Variants in DOCK7 observed in about 807,000 individuals in gnomAD.
The protein encoded by DOCK7 is dedicator of cytokinesis 7, also known as dedicator of cytokinesis protein 7.
A neutral mutation model predicts 271.0 loss-of-function variants in DOCK7; 138 were observed. The ratio of observed to expected loss-of-function variants is 0.51; its 90% CI spans 0.44 to 0.59. The LOEUF is 0.59. DOCK7 is among the 20% of genes least tolerant of loss of function. The pLI is 0.00. For missense variants in DOCK7, 2,066 were observed against 2,592.4 expected, an observed-to-expected ratio of 0.80 and a Z score of 4.41; for synonymous variants, 823 against 876.1, an observed-to-expected ratio of 0.94 and a Z score of 1.07.
chr1:62,553,032 C>CATTTT, intron 21 of DOCK7, 131 bp from the exon 22 acceptor site: 1 of 166,008 alleles, frequency 6.0e-6, no homozygotes, highest in Non-Finnish European at 9.1e-6. Context: ...AAAAAATATA[C>CATTTT]TTTTTTTTTT....
Position 62,475,333 on chromosome 1 carries a change from C to T in DOCK7, c.5980G>A (p.Glu1994Lys), listed in dbSNP as rs762075452. ...TTCTGCATGTCCTCAATAGCAACTT[C>T]AATTGGTGTTAAGATGATCTGAGTA... is the stretch of plus-strand genomic sequence containing the variant. ...HKEEIILTPI[E>K]VAIEDMQKKT... Residue 1994 changes from glutamate to lysine, a missense_variant, in exon 47 of 50, where the codon GAA becomes AAA. Physicochemically the swap from Glu to Lys is moderately conservative, Grantham distance 56 (BLOSUM62 1). Coordinates refer to ENST00000635253, the MANE Select transcript of DOCK7 (RefSeq NM_001367561.1). 2.5e-6 allele frequency: 4 copies of T among 1,613,712 alleles called. No individual in the cohort carries two copies. Among genetic ancestry groups the T allele is most frequent in the South Asian group, 1.1e-5 (1 of 91,044 alleles).
At chr1:62,562,720 A>G (rs774457118) in intron 18 of DOCK7, among the ~76,000 whole-genome samples, 4 of 152,172 alleles carry the variant, frequency 2.6e-5, no homozygotes, top group Non-Finnish European at 5.9e-5. Flanking sequence ...GAAACGACAA[A>G]GCAGCATTTC....
chr1:62,564,989 T>C (rs1346001732), intron 18 of DOCK7, among the ~76,000 whole-genome samples: 2 of 151,878 alleles, frequency 1.3e-5, no homozygotes, highest in Non-Finnish European at 2.9e-5. Flanking sequence ...CCCTCCCAAG[T>C]CTAAACCAGG....
rs141405529 is a variant in DOCK7, at chr1:62,534,141, G to C, written c.3611+1352C>G. 2.2e-3 allele frequency among the ~76,000 whole-genome samples: 336 copies of C among 152,176 alleles called. 1 individual carries two copies. The highest frequency in any genetic ancestry group is 3.6e-3 in the Non-Finnish European group (244 of 68,008). On this transcript the variant is annotated intron_variant, in intron 29 of 49. Coordinates refer to ENST00000635253, the MANE Select transcript of DOCK7 (RefSeq NM_001367561.1). ...AGCCTCCCGAGCAGCTGGGATTACAGACATGAGCCACCATGTGTGGCTAAT... is the reference window on the plus strand; with the variant it reads ...AGCCTCCCGAGCAGCTGGGATTACACACATGAGCCACCATGTGTGGCTAAT...
intron 8 of DOCK7, 62 bp downstream of exon 8, chr1:62,636,475 C>T: frequency 7.7e-7 from 1 of 1,301,048 alleles, no homozygotes; most frequent in Non-Finnish European, 1.1e-6. Context: ...TCTTATAAAA[C>T]AAACAGGTTT....
rs964574998 is a variant in DOCK7 at position 62,633,371 on chromosome 1, C to T, written c.1116+127G>A. The stretch of plus-strand genomic sequence containing the variant: ...AAAAAATATAGTACTAGTAAAATTC[C>T]TTAATATGCTTTGTTGCATATTAAA... On this transcript the variant is annotated intron_variant, in intron 10 of 49. Transcript: ENST00000635253. 9 of 685,442 alleles carry T rather than the reference C, an allele frequency of 1.3e-5. No homozygotes were observed. The African/African-American group carries it at 1.5e-4, about 11-fold the overall frequency. The allele number at this position is 685,442 out of a possible 1,614,324, so 42.5% of individuals were successfully genotyped here.
intron 13 of DOCK7, among the ~76,000 whole-genome samples, chr1:62,619,505 G>C (rs1345593505): frequency 6.6e-6 from 1 of 152,164 alleles, no homozygotes; most frequent in African/African-American, 2.4e-5. Context: ...ATTAGGCAAA[G>C]TAAGAGATTA....
At chr1:62,472,094 C>T (rs963546635) in intron 48 of DOCK7, among the ~76,000 whole-genome samples, 4 of 151,548 alleles carry the variant, frequency 2.6e-5, no homozygotes, top group Non-Finnish European at 4.4e-5. Context: ...GCTGTTATTT[C>T]GTTTTTTTTG....
intron 1 of DOCK7, among the ~76,000 whole-genome samples, chr1:62,679,312 T>G (rs918012231): frequency 1.3e-5 from 2 of 152,098 alleles, no homozygotes; most frequent in Admixed American, 1.3e-4. Flanking sequence ...AACATACAGC[T>G]TTCATAAGAT....
At chr1:62,627,488 T>TG (rs892378500) in intron 11 of DOCK7, 1 of 151,962 alleles carries the variant, frequency 6.6e-6, no homozygotes, top group Non-Finnish European at 1.5e-5. Context: ...CTAAAAAATC[T>TG]GGGGAAAAAA....
In DOCK7 at chr1:62,670,097, T is replaced by A. The variant is rs568423656; in HGVS notation, c.39-6967A>T. On this transcript the variant is annotated intron_variant, in intron 1 of 49. Coordinates refer to ENST00000635253, the MANE Select transcript of DOCK7 (RefSeq NM_001367561.1). ...GCCGGCCCACCGGTGCTGCGCTCGA[T>A]TTCTCGCCGGGCCTTGGCTGCCTTC... Among the ~76,000 whole-genome samples the A allele has an allele frequency of 2.8e-4, 42 of 151,738 alleles. 1 individual carries two copies. In the South Asian group the frequency reaches 8.3e-3, roughly 30 times the overall value.
chr1:62,460,604 AACACACACACACACACACAC>A (rs57641890), intron 48 of DOCK7, among the ~76,000 whole-genome samples: 4 of 148,906 alleles, frequency 2.7e-5, no homozygotes, highest in South Asian at 2.1e-4. Context: ...CAATGTATTG[AACACACACACACACACACAC>A]ACACACACAC....
intron 11 of DOCK7, 44 bp downstream of exon 11, chr1:62,631,195 GA>G (rs752097682): frequency 2.7e-6 from 4 of 1,500,906 alleles, no homozygotes; most frequent in South Asian, 1.3e-5. Flanking sequence ...AAAAAAAAAA[GA>G]AAAAAGTAAA....
Position 62,505,695 on chromosome 1 carries a change from G to A in DOCK7, c.4598C>T (p.Ala1533Val). ...AAAATAACCTACCTTTGAAACCAAG[G>A]CTCTCTGTGTAGCAAAACAGTGTTG... ...YLQHCFATQRALVSKFPELLF... is the reference protein window; with the variant it reads ...YLQHCFATQRVLVSKFPELLF... The change falls in exon 36 of 50, where the codon GCC becomes GTC. Residue 1533 changes from alanine to valine, a missense_variant. By Grantham distance (64) the Ala-to-Val change is moderately conservative (BLOSUM62 0). Around this residue, in one of 2 missense-constraint regions of DOCK7, gnomAD observed 652 missense variants for 922.1 expected, o/e 0.71. Coordinates refer to ENST00000635253, the MANE Select transcript of DOCK7 (RefSeq NM_001367561.1). The A allele has an allele frequency of 1.2e-6, 2 of 1,605,850 alleles. No homozygotes were observed. Among genetic ancestry groups the A allele is most frequent in the Non-Finnish European group, 1.7e-6 (2 of 1,176,754 alleles).
chr1:62,579,090 A>G, intron 16 of DOCK7, 124 bp from the exon 17 acceptor site: 1 of 920,374 alleles, frequency 1.1e-6, no homozygotes, highest in Non-Finnish European at 1.5e-6. Context: ...AGTCCAAAAT[A>G]TTTTTCTTTA....
intron 13 of DOCK7, 40 bp downstream of exon 13, chr1:62,619,860 A>C: frequency 1.5e-6 from 2 of 1,317,526 alleles, no homozygotes; most frequent in Non-Finnish European, 2.2e-6. Context: ...AGTAGTGATA[A>C]TAATAGTTGC....
intron 18 of DOCK7, among the ~76,000 whole-genome samples, chr1:62,570,022 T>C (rs1467862269): frequency 6.6e-6 from 1 of 152,124 alleles, no homozygotes; most frequent in African/African-American, 2.4e-5. Context: ...CCACCACTCC[T>C]ATTCAACATA....
Position 62,633,598 on chromosome 1 carries a change from T to G in DOCK7, c.1036-20A>C, listed in dbSNP as rs1207068511. On this transcript the variant is annotated intron_variant, in intron 9 of 49. Transcript: ENST00000635253. Reference sequence around the variant, plus strand: ...TTCTAGCTGTCAAAGGCAAAAAAAGTTAAGATTAAGCTTTTAAAAGCCTGA... The same window carrying G: ...TTCTAGCTGTCAAAGGCAAAAAAAGGTAAGATTAAGCTTTTAAAAGCCTGA... The G allele has an allele frequency of 1.9e-6, 3 of 1,575,976 alleles. No homozygotes were observed. The Admixed American group carries it at 5.1e-5, about 27-fold the overall frequency.
chr1:62,570,494 T>C (rs1461549869), intron 18 of DOCK7, among the ~76,000 whole-genome samples: 1 of 152,198 alleles, frequency 6.6e-6, no homozygotes, highest in African/African-American at 2.4e-5. Flanking sequence ...AATTTATACA[T>C]TCAATGCTAT....
Sources: gnomAD v4.1 joint callset for allele counts (sites outside exome capture counted in the v4.1 genomes callset) on GRCh38, gnomAD v4.1.1 for gene constraint, gnomAD v4.1.1 regional missense constraint, MANE v1.5 for transcripts, NCBI Gene and HGNC (gene_info 2026-07-23, HGNC 2026-07-21) for gene names.